Variants in SPATA31H1 observed in about 807,000 individuals in gnomAD.
SPATA31H1 encodes spermatogenesis-associated protein 31H1.
the SPATA31H1 span, chr2:27,566,355 A>G: frequency 4.2e-6 from 3 of 717,326 alleles, no homozygotes; most frequent in East Asian, 5.4e-5. Flanking sequence ...GGAGCCTTCA[A>G]CAGATCTTCC....
At chr2:27,581,122 T>G in the SPATA31H1 span, 1 of 1,614,212 alleles carries the variant, frequency 6.2e-7, no homozygotes, top group Non-Finnish European at 8.5e-7. Flanking sequence ...GGAAGAATCC[T>G]ACCTGGTTCC....
the SPATA31H1 span, among the ~76,000 whole-genome samples, chr2:27,540,449 C>T: frequency 7.9e-6 from 1 of 125,828 alleles, no homozygotes; most frequent in Non-Finnish European, 1.7e-5. Flanking sequence ...CAGAGGGGCT[C>T]CTCACTTCCC....
chr2:27,578,775 T>C, the SPATA31H1 span: 1 of 1,614,092 alleles, frequency 6.2e-7, no homozygotes, highest in Admixed American at 1.7e-5. Context: ...CCTACAAAGC[T>C]CTTCAACCAC....
the SPATA31H1 span, chr2:27,578,788 T>C: frequency 6.2e-7 from 1 of 1,614,098 alleles, no homozygotes; most frequent in South Asian, 1.1e-5. Context: ...TCAACCACAC[T>C]CATTTCAAGC....
the SPATA31H1 span, among the ~76,000 whole-genome samples, chr2:27,551,827 C>CA: frequency 1.3e-5 from 2 of 151,370 alleles, no homozygotes; most frequent in Non-Finnish European, 3.0e-5. Context: ...TCTAGACTAG[C>CA]TTTTTTTTTT....
the SPATA31H1 span, chr2:27,582,581 T>C: frequency 3.3e-6 from 5 of 1,504,008 alleles, no homozygotes. Context: ...TGCTGCCCTT[T>C]CCAGGCTTCT....
At chr2:27,552,628 A>T in the SPATA31H1 span, among the ~76,000 whole-genome samples, 13 of 151,994 alleles carry the variant, frequency 8.6e-5, no homozygotes, top group Non-Finnish European at 1.5e-4. Context: ...AAAAAAGGCT[A>T]TTGGGATTTT....
chr2:27,575,908 A>T, the SPATA31H1 span: 1 of 398,558 alleles, frequency 2.5e-6, no homozygotes, highest in East Asian at 3.6e-5. The surrounding 1 kb of genome is among the most constrained non-coding windows in gnomAD (Gnocchi z 4.1). Context: ...TCAAAACTTC[A>T]AGGTATGAAG....
chr2:27,553,544 T>G, the SPATA31H1 span, among the ~76,000 whole-genome samples: 1 of 152,098 alleles, frequency 6.6e-6, no homozygotes, highest in African/African-American at 2.4e-5. Context: ...TCTAATTCCT[T>G]ATAATTCCAT....
the SPATA31H1 span, among the ~76,000 whole-genome samples, chr2:27,550,461 C>T: frequency 1.4e-5 from 2 of 144,858 alleles, no homozygotes; most frequent in Admixed American, 6.9e-5. Flanking sequence ...CTCTATTGCC[C>T]GGGCTGGAGT....
chr2:27,581,267 C>G, the SPATA31H1 span: 13 of 1,614,232 alleles, frequency 8.1e-6, no homozygotes, highest in South Asian at 1.2e-4. Context: ...CTTGGAGAAA[C>G]CATCGCAGTC....
the SPATA31H1 span, among the ~76,000 whole-genome samples, chr2:27,553,714 G>A: frequency 6.6e-6 from 1 of 151,892 alleles, no homozygotes; most frequent in Non-Finnish European, 1.5e-5. Flanking sequence ...CTGAGGTCAG[G>A]AGTTCGAGAC....
the SPATA31H1 span, chr2:27,579,755 T>G: frequency 1.2e-6 from 2 of 1,614,250 alleles, no homozygotes; most frequent in Admixed American, 1.7e-5. Context: ...CAAGGATTTC[T>G]GAGTCCCAAC....
At chr2:27,538,569 C>T in the SPATA31H1 span, among the ~76,000 whole-genome samples, 5 of 151,894 alleles carry the variant, frequency 3.3e-5, no homozygotes, top group African/African-American at 9.7e-5. Flanking sequence ...TGGTGGCTCT[C>T]GCCTGTAATC....
At chr2:27,542,329 G>A in the SPATA31H1 span, among the ~76,000 whole-genome samples, 7 of 151,546 alleles carry the variant, frequency 4.6e-5, no homozygotes, top group African/African-American at 1.5e-4. Context: ...CCTGGGAGGC[G>A]GAAGTTGCAG....
At chr2:27,544,435 C>A in the SPATA31H1 span, among the ~76,000 whole-genome samples, 1 of 151,866 alleles carries the variant, frequency 6.6e-6, no homozygotes, top group African/African-American at 2.4e-5. Context: ...TGTTCTTGAA[C>A]CTTGCAAAAA....
At chr2:27,576,471 C>A in the SPATA31H1 span, 2 of 880,022 alleles carry the variant, frequency 2.3e-6, no homozygotes, top group African/African-American at 1.7e-5. Context: ...ATGGCCACAA[C>A]CTCAAAGTGT....
the SPATA31H1 span, chr2:27,578,535 A>G: frequency 6.2e-7 from 1 of 1,614,012 alleles, no homozygotes. Flanking sequence ...AAGTCCATGT[A>G]CTCAAGTGAA....
chr2:27,555,424 C>A, the SPATA31H1 span, among the ~76,000 whole-genome samples: 1 of 151,856 alleles, frequency 6.6e-6, no homozygotes, highest in Admixed American at 6.5e-5. Context: ...GTAATCCCAG[C>A]ACTTTGAGAG....
Sources: gnomAD v4.1 joint callset for allele counts (sites outside exome capture counted in the v4.1 genomes callset) on GRCh38, gnomAD v4.1.1 for gene constraint, Gnocchi (gnomAD v3.1) non-coding constraint, MANE v1.5 for transcripts, NCBI Gene and HGNC (gene_info 2026-07-23, HGNC 2026-07-21) for gene names.